Variants in CERS6 observed in about 807,000 individuals in gnomAD.
CERS6 encodes LAG1 homolog, ceramide synthase 6.
Under a neutral mutation model 56.8 loss-of-function variants are expected in CERS6, and 26 were observed. The observed-to-expected ratio is 0.46, with a 90% CI of 0.34 to 0.63. The LOEUF is 0.63. Among genes scored for constraint, CERS6 ranks in the 30% least tolerant of loss-of-function variants. The pLI is 0.01. For missense variants in CERS6, 415 were observed against 467.5 expected (o/e 0.89, Z 1.04); for synonymous variants, 164 against 173.3 (o/e 0.95, Z 0.42).
chr2:168,490,387 A>G (rs1006081851), intron 1 of CERS6, among the ~76,000 whole-genome samples: 1 of 152,048 alleles, frequency 6.6e-6, no homozygotes, highest in Non-Finnish European at 1.5e-5. Context: ...GCTCTGCTGT[A>G]TAGTGGGGCT....
At chr2:168,552,512 G>A (rs183889772) in intron 2 of CERS6, among the ~76,000 whole-genome samples, 97 of 152,248 alleles carry the variant, frequency 6.4e-4, no homozygotes, top group African/African-American at 2.2e-3. Context: ...AGATTGGGCA[G>A]AAACCAAGTA....
chr2:168,628,270 A>C (rs1304841569), intron 3 of CERS6, among the ~76,000 whole-genome samples: 1 of 152,172 alleles, frequency 6.6e-6, no homozygotes, highest in East Asian at 1.9e-4. Context: ...ATATTCATCT[A>C]GACCTGCTCA....
At chr2:168,606,487 A>G (rs1370865641) in intron 3 of CERS6, 1 of 152,190 alleles carries the variant, frequency 6.6e-6, no homozygotes. Context: ...TTTGCTGCCA[A>G]AGTGAGCACA....
At chr2:168,542,621 AT>A (rs1198715360) in intron 1 of CERS6, among the ~76,000 whole-genome samples, 1 of 152,042 alleles carries the variant, frequency 6.6e-6, no homozygotes, top group African/African-American at 2.4e-5. Flanking sequence ...ACATATGTTT[AT>A]TTTTTTTAAT....
intron 8 of CERS6, among the ~76,000 whole-genome samples, chr2:168,732,964 G>T (rs6722301): frequency 3.3e-5 from 5 of 151,698 alleles, no homozygotes; most frequent in Non-Finnish European, 1.5e-5. Context: ...CTATATTTAC[G>T]TATGTAAAAA....
At chr2:168,537,884 C>A (rs1695293974) in intron 1 of CERS6, among the ~76,000 whole-genome samples, 1 of 152,196 alleles carries the variant, frequency 6.6e-6, no homozygotes, top group Admixed American at 6.5e-5. Flanking sequence ...CTTACCAGGC[C>A]TCACACTGAA....
chr2:168,531,046 T>C (rs1390089410), intron 1 of CERS6, among the ~76,000 whole-genome samples: 1 of 152,086 alleles, frequency 6.6e-6, no homozygotes, highest in Admixed American at 6.6e-5. Flanking sequence ...CAATCCTTAA[T>C]TAAAAAAAAT....
intron 1 of CERS6, among the ~76,000 whole-genome samples, chr2:168,511,201 G>A (rs200762413): frequency 7.2e-5 from 11 of 151,998 alleles, no homozygotes; most frequent in Non-Finnish European, 1.2e-4. Context: ...CCTCCATCCT[G>A]TACCTTCTCC....
chr2:168,671,864 A>G (rs1226886870), intron 4 of CERS6, among the ~76,000 whole-genome samples: 1 of 152,234 alleles, frequency 6.6e-6, no homozygotes, highest in Admixed American at 6.5e-5. Flanking sequence ...CTATTTCTAT[A>G]CAGTCGAAAA....
chr2:168,688,285 A>G (rs1040247324), intron 4 of CERS6, among the ~76,000 whole-genome samples: 1 of 152,168 alleles, frequency 6.6e-6, no homozygotes, highest in African/African-American at 2.4e-5. Context: ...TTTTGACATC[A>G]AATGAATGTG....
chr2:168,639,528 C>T (rs1574120289), intron 4 of CERS6, among the ~76,000 whole-genome samples: 1 of 152,292 alleles, frequency 6.6e-6, no homozygotes, highest in Non-Finnish European at 1.5e-5. Flanking sequence ...AGAACATTTT[C>T]CTCATCAACA....
At chr2:168,567,321 C>T (rs937651850) in intron 3 of CERS6, among the ~76,000 whole-genome samples, 1 of 152,182 alleles carries the variant, frequency 6.6e-6, no homozygotes, top group Non-Finnish European at 1.5e-5. Flanking sequence ...GGGTTGTATT[C>T]AGGTCAGTTT....
chr2:168,509,494 G>A (rs750323708), intron 1 of CERS6, among the ~76,000 whole-genome samples: 7 of 152,102 alleles, frequency 4.6e-5, no homozygotes, highest in African/African-American at 7.2e-5. Context: ...GAAGGATAGC[G>A]GTGGCCAGAC....
At chr2:168,493,829 ATAT>A (rs1694416021) in intron 1 of CERS6, among the ~76,000 whole-genome samples, 1 of 150,186 alleles carries the variant, frequency 6.7e-6, no homozygotes, top group African/African-American at 2.4e-5. Flanking sequence ...TTAATGTAAT[ATAT>A]TAATATAATA....
At chr2:168,487,664 T>C (rs1315410362) in intron 1 of CERS6, among the ~76,000 whole-genome samples, 1 of 152,226 alleles carries the variant, frequency 6.6e-6, no homozygotes, top group Non-Finnish European at 1.5e-5. Flanking sequence ...CTTAAGCTAC[T>C]TTTATGTGTT....
At chr2:168,687,917 C>T (rs776656896) in intron 4 of CERS6, among the ~76,000 whole-genome samples, 4 of 152,106 alleles carry the variant, frequency 2.6e-5, no homozygotes, top group Non-Finnish European at 4.4e-5. Context: ...TTGCCCAGGC[C>T]GGTCTTGAGC....
chr2:168,526,761 C>T (rs982296409), intron 1 of CERS6, among the ~76,000 whole-genome samples: 40 of 152,196 alleles, frequency 2.6e-4, no homozygotes, highest in African/African-American at 8.9e-4. Context: ...ACACCCTGTG[C>T]GAGTGGCCTG....
At chr2:168,735,822 C>T (rs1374829913) in intron 8 of CERS6, among the ~76,000 whole-genome samples, 1 of 141,534 alleles carries the variant, frequency 7.1e-6, no homozygotes, top group Non-Finnish European at 1.5e-5. Flanking sequence ...ATTGAGGCTG[C>T]AGTGAGCTGT....
intron 6 of CERS6, among the ~76,000 whole-genome samples, chr2:168,695,757 G>GT (rs1686630133): frequency 6.6e-6 from 1 of 152,106 alleles, no homozygotes; most frequent in Non-Finnish European, 1.5e-5. Flanking sequence ...CCATCTCCCT[G>GT]GATGATTGAG....
Sources: gnomAD v4.1 joint callset for allele counts (sites outside exome capture counted in the v4.1 genomes callset) on GRCh38, gnomAD v4.1.1 for gene constraint, MANE v1.5 for transcripts, NCBI Gene and HGNC (gene_info 2026-07-23, HGNC 2026-07-21) for gene names.